The following TMUB1 variants were observed in gnomAD, a reference collection of about 807,000 sequenced individuals.
TMUB1 encodes the protein transmembrane and ubiquitin like domain containing 1.
TMUB1 carries 9 observed loss-of-function variants against 16.2 expected under a neutral mutation model. The ratio of observed to expected loss-of-function variants is 0.55; its 90% CI spans 0.33 to 0.97. The LOEUF is 0.97. TMUB1 is among the 50% of genes least tolerant of loss of function. The pLI is 0.03. For synonymous variants in TMUB1, 155 were observed against 152.2 expected (o/e 1.02, Z -0.13); for missense variants, 309 against 313.5 (o/e 0.99, Z 0.11).
Position 151,081,829 on chromosome 7 carries a change from T to C in TMUB1, c.461A>G (p.Gln154Arg). 1 of 1,542,592 alleles carries C rather than the reference T, an allele frequency of 6.5e-7. No homozygotes were observed. The highest frequency in any genetic ancestry group is 1.2e-5 in the South Asian group (1 of 80,938). Residue 154 changes from glutamine (Q) to arginine (R), a missense_variant, in exon 3 of 3, where the codon CAG becomes CGG. Transcript: ENST00000297533. This position sits in a 1 kb window ranked among gnomAD's most constrained non-coding sequence, Gnocchi z 7.6. ...YQGQLLGDDT[Q>R]TLGSLHLPPN... is the part of the protein sequence containing the mutation. ...AGGGAGGTGAAGGCTGCCCAGGGTC[T>C]GGGTGTCGTCGCCTAGCAGCTGCCC... is the stretch of plus-strand genomic sequence containing the variant.
rs1438641094 is a variant in TMUB1, at chr7:151,081,755, T to G, written c.535A>C (p.Asn179His). 6.3e-7 allele frequency: 1 copy of G among 1,592,816 alleles called. No homozygotes were observed. The highest frequency in any genetic ancestry group is 2.3e-5 in the East Asian group (1 of 44,168). Residue 179 changes from asparagine to histidine, a missense_variant, in exon 3 of 3, where the codon AAT (asparagine) becomes CAT (histidine). Physicochemically the swap from Asn to His is moderately conservative, Grantham distance 68. Coordinates refer to ENST00000297533, the MANE Select transcript of TMUB1 (RefSeq NM_001136044.2). The surrounding 1 kb of genome is among the most constrained non-coding windows in gnomAD (Gnocchi z 7.6). ...CHVSTRVGPP[N>H]PPCPPGSEPG... ...TCGGACCCCGGCGGGCAGGGGGGAT[T>G]TGGGGGACCGACTCTCGTGGACACG...
rs1230654588 is a variant in TMUB1, at chr7:151,081,226, C to T, written c.*323G>A. 2.4e-5 allele frequency: 5 copies of T among 212,244 alleles called. No homozygotes were observed. Among genetic ancestry groups the T allele is most frequent in the Non-Finnish European group, 4.6e-5 (5 of 109,006 alleles). 13.1% of individuals were successfully genotyped at this position (212,244 alleles called of 1,614,324 possible). On this transcript the variant is annotated 3_prime_UTR_variant, in exon 3 of 3. Transcript: ENST00000297533. The surrounding 1 kb of genome is among the most constrained non-coding windows in gnomAD (Gnocchi z 7.6). ...GTCAGGGATTGGAGGCGGCTGGGTC[C>T]TCCGGCAGAACACTAAGACGGGCCC...
Position 151,082,363 on chromosome 7 carries a change from TG to T in TMUB1, c.200del (p.Pro67GlnfsTer8). ...AATDSMRGEA[P>X]GAETPSLRHR... The stretch of plus-strand genomic sequence containing the variant: ...GTCTCAGGCTGGGGGTCTCTGCCCC[TG>T]GGGCCTCCCCTCTCATGCTGTCGGT... On this transcript the variant is annotated frameshift_variant, in exon 2 of 3. Coordinates refer to ENST00000297533, the MANE Select transcript of TMUB1 (RefSeq NM_001136044.2). LOFTEE classifies it high-confidence loss of function. The surrounding 1 kb of genome is among the most constrained non-coding windows in gnomAD (Gnocchi z 7.0). 1 of 1,596,420 alleles carries T rather than the reference TG, an allele frequency of 6.3e-7. No individual in the cohort carries two copies. Among genetic ancestry groups the T allele is most frequent in the Non-Finnish European group, 8.5e-7 (1 of 1,171,018 alleles).
chr7:151,081,284 C>T lies in TMUB1; in HGVS notation c.*265G>A. 5.5e-6 allele frequency: 2 copies of T among 366,738 alleles called. No individual in the cohort carries two copies. Among genetic ancestry groups the T allele is most frequent in the South Asian group, 1.2e-4 (1 of 8,458 alleles). The allele number at this position is 366,738 out of a possible 1,614,324, so 22.7% of individuals were successfully genotyped here. A position where few individuals can be genotyped will look rare whatever the true frequency, so the allele number is the denominator to read the frequency against. ...GGCCCGGCTCTGCCCGGGGCCGAGG[C>T]AGCGACAGCAGATGCCCGACCCCGA... is the stretch of plus-strand genomic sequence containing the variant. On this transcript the variant is annotated 3_prime_UTR_variant, in exon 3 of 3. Coordinates refer to ENST00000297533, the MANE Select transcript of TMUB1 (RefSeq NM_001136044.2). The surrounding 1 kb of genome is among the most constrained non-coding windows in gnomAD (Gnocchi z 7.6).
chr7:151,082,804 C>T lies in TMUB1; in HGVS notation c.-30-211G>A, dbSNP rs1798036382. 2.5e-6 allele frequency: 1 copy of T among 400,482 alleles called. No individual in the cohort carries two copies. Among genetic ancestry groups the T allele is most frequent in the Non-Finnish European group, 4.4e-6 (1 of 227,194 alleles). 24.8% of individuals were successfully genotyped at this position (400,482 alleles called of 1,614,324 possible). On this transcript the variant is annotated intron_variant, in intron 1 of 2. Coordinates refer to ENST00000297533, the MANE Select transcript of TMUB1 (RefSeq NM_001136044.2). This position sits in a 1 kb window ranked among gnomAD's most constrained non-coding sequence, Gnocchi z 7.0. ...CCCATCGCCGAATCCCAAGTCCTAA[C>T]TTTCTGTCATCTGAGCTCGAGGTCT...
chr7:151,082,091 G>C lies in TMUB1; in HGVS notation c.389+84C>G, dbSNP rs922543783. ...GCGCCTCCAGTATAAAGGAGGGCTG[G>C]GTCTTAGGTGTCTCTGGGGGCCTTC... On this transcript the variant is annotated intron_variant, in intron 2 of 2. Coordinates refer to ENST00000297533, the MANE Select transcript of TMUB1 (RefSeq NM_001136044.2). The surrounding 1 kb of genome is among the most constrained non-coding windows in gnomAD (Gnocchi z 7.0). The C allele has an allele frequency of 6.8e-7, 1 of 1,467,300 alleles. No homozygotes were observed. Among genetic ancestry groups the C allele is most frequent in the African/African-American group, 1.4e-5 (1 of 70,506 alleles). 90.9% of individuals were successfully genotyped at this position (1,467,300 alleles called of 1,614,324 possible).
chr7:151,082,313 T>C lies in TMUB1; in HGVS notation c.251A>G (p.Glu84Gly). ...TGTTGCTGTGAACCCCGTGCTGGGC[T>C]CTGGCTGTGCAGCTTGACCTCTGTG... ...LRHRGQAAQP[E>G]PSTGFTATPP... Residue 84 changes from glutamate to glycine, a missense_variant, in exon 2 of 3, where the codon GAG (glutamate) becomes GGG (glycine). By Grantham distance (98) the Glu-to-Gly change is moderately conservative. Coordinates refer to ENST00000297533, the MANE Select transcript of TMUB1 (RefSeq NM_001136044.2). The surrounding 1 kb of genome is among the most constrained non-coding windows in gnomAD (Gnocchi z 7.0). 1 of 1,600,838 alleles carries C rather than the reference T, an allele frequency of 6.2e-7. No homozygotes were observed. The highest frequency in any genetic ancestry group is 1.7e-5 in the Admixed American group (1 of 58,584).
rs990454899 is a variant in TMUB1 at position 151,083,241 on chromosome 7, G to A, written c.-31+193C>T. 1.3e-5 allele frequency: 2 copies of A among 152,042 alleles called. No individual in the cohort carries two copies. Among genetic ancestry groups the A allele is most frequent in the African/African-American group, 4.8e-5 (2 of 41,378 alleles). The allele number at this position is 152,042 out of a possible 1,614,324, so 9.4% of individuals were successfully genotyped here. On this transcript the variant is annotated intron_variant, in intron 1 of 2. Coordinates refer to ENST00000297533, the MANE Select transcript of TMUB1 (RefSeq NM_001136044.2). The surrounding 1 kb of genome is among the most constrained non-coding windows in gnomAD (Gnocchi z 5.9). ...GAGGACTAACTCCGCGCCTCCTCTG[G>A]AAGTCTCTCCAAGCCCCCCGGGCTG...
rs1401540330 is a variant in TMUB1 at position 151,082,300 on chromosome 7, C to A, written c.264G>T (p.Gly88=). Residue 88 remains glycine (G), a synonymous_variant, in exon 2 of 3, where the codon GGG becomes GGT. Transcript: ENST00000297533. The surrounding 1 kb of genome is among the most constrained non-coding windows in gnomAD (Gnocchi z 7.0). The part of the protein sequence containing the change: ...GQAAQPEPST[G]FTATPPAPDS... ...CCGGGGCTGGCGGTGTTGCTGTGAA[C>A]CCCGTGCTGGGCTCTGGCTGTGCAG... 18 of 1,598,236 alleles carry A rather than the reference C, an allele frequency of 1.1e-5. No individual in the cohort carries two copies. The highest frequency in any genetic ancestry group is 1.5e-5 in the Non-Finnish European group (17 of 1,171,252).
At position 151,082,402 on chromosome 7, in the gene TMUB1, T is replaced by C; in HGVS notation, c.162A>G (p.Ala54=). The change falls in exon 2 of 3, where the codon GCA becomes GCG. Residue 54 remains alanine (A), a synonymous_variant. Transcript: ENST00000297533. This position sits in a 1 kb window ranked among gnomAD's most constrained non-coding sequence, Gnocchi z 7.0. ...TCATGCTGTCGGTAGCTGCCATGGCTGCGCTGGGCTGGGATGGCGTTGGGG... is the reference window on the plus strand; with the variant it reads ...TCATGCTGTCGGTAGCTGCCATGGCCGCGCTGGGCTGGGATGGCGTTGGGG... The part of the protein sequence containing the change: ...SGTPTPSQPS[A]AMAATDSMRG... The C allele has an allele frequency of 6.2e-7, 1 of 1,605,934 alleles. No homozygotes were observed. The highest frequency in any genetic ancestry group is 8.5e-7 in the Non-Finnish European group (1 of 1,175,800).
At position 151,081,375 on chromosome 7, in the gene TMUB1, C is replaced by T. The variant is rs1231382314; in HGVS notation, c.*174G>A. ...GGAGGTGGCCCCGAGCCCCGGCGGTCGCAGGGCGGGGCCTCCGCCAGTCCC... is the reference window on the plus strand; with the variant it reads ...GGAGGTGGCCCCGAGCCCCGGCGGTTGCAGGGCGGGGCCTCCGCCAGTCCC... On this transcript the variant is annotated 3_prime_UTR_variant, in exon 3 of 3. Transcript: ENST00000297533. This position sits in a 1 kb window ranked among gnomAD's most constrained non-coding sequence, Gnocchi z 7.6. The T allele has an allele frequency of 6.0e-6, 7 of 1,171,844 alleles. No individual in the cohort carries two copies. The highest frequency in any genetic ancestry group is 1.6e-5 in the African/African-American group (1 of 62,034). The allele number at this position is 1,171,844 out of a possible 1,614,324, so 72.6% of individuals were successfully genotyped here. A position where few individuals can be genotyped will look rare whatever the true frequency, so the allele number is the denominator to read the frequency against.
Position 151,082,002 on chromosome 7 carries a change from C to G in TMUB1, c.390-102G>C. The G allele has an allele frequency of 7.2e-7, 1 of 1,395,318 alleles. No homozygotes were observed. Among genetic ancestry groups the G allele is most frequent in the Non-Finnish European group, 9.5e-7 (1 of 1,051,350 alleles). 86.4% of individuals were successfully genotyped at this position (1,395,318 alleles called of 1,614,324 possible). A position where few individuals can be genotyped will look rare whatever the true frequency, so the allele number is the denominator to read the frequency against. On this transcript the variant is annotated intron_variant, in intron 2 of 2. Transcript: ENST00000297533. The surrounding 1 kb of genome is among the most constrained non-coding windows in gnomAD (Gnocchi z 7.0). ...CCTCCCCCTGCCCTCCACAACACAC[C>G]GGCCCTGGCCTGGGAGGGGCCGTCT...
chr7:151,081,978 C>T lies in TMUB1; in HGVS notation c.390-78G>A. On this transcript the variant is annotated intron_variant, in intron 2 of 2. Transcript: ENST00000297533. The surrounding 1 kb of genome is among the most constrained non-coding windows in gnomAD (Gnocchi z 7.6). ...CTGGCCCCGGAACAGCACTCCCACC[C>T]TCCCCCTGCCCTCCACAACACACCG... is the stretch of plus-strand genomic sequence containing the variant. 4.2e-6 allele frequency: 6 copies of T among 1,420,306 alleles called. No individual in the cohort carries two copies. The highest frequency in any genetic ancestry group is 5.6e-6 in the Non-Finnish European group (6 of 1,071,362). The allele number at this position is 1,420,306 out of a possible 1,614,324, so 88.0% of individuals were successfully genotyped here.
At position 151,081,921 on chromosome 7, in the gene TMUB1, G is replaced by C. The variant is rs1188882312; in HGVS notation, c.390-21C>G. 1 of 1,465,688 alleles carries C rather than the reference G, an allele frequency of 6.8e-7. No individual in the cohort carries two copies. Among genetic ancestry groups the C allele is most frequent in the Non-Finnish European group, 9.0e-7 (1 of 1,111,336 alleles). 90.8% of individuals were successfully genotyped at this position (1,465,688 alleles called of 1,614,324 possible). On this transcript the variant is annotated intron_variant, in intron 2 of 2. Coordinates refer to ENST00000297533, the MANE Select transcript of TMUB1 (RefSeq NM_001136044.2). This position sits in a 1 kb window ranked among gnomAD's most constrained non-coding sequence, Gnocchi z 7.6. The stretch of plus-strand genomic sequence containing the variant: ...GGGTCCTGAGGAGAGAGGGACCTGG[G>C]TAAGAGAGCAGGCCTCAGGCAATCC...
Position 151,082,430 on chromosome 7 carries a change from C to T in TMUB1, c.134G>A (p.Gly45Glu), listed in dbSNP as rs754698950. 1 of 1,609,114 alleles carries T rather than the reference C, an allele frequency of 6.2e-7. No homozygotes were observed. Among genetic ancestry groups the T allele is most frequent in the East Asian group, 2.2e-5 (1 of 44,664 alleles). ...GCTGGGCTGGGATGGCGTTGGGGTC[C>T]CTGACGGCTGGGGCAGTGGGTCCCC... The part of the protein sequence containing the change: ...EGGDPLPQPS[G>E]TPTPSQPSAA... Residue 45 changes from glycine to glutamate, a missense_variant, in exon 2 of 3, where the codon GGG becomes GAG. Coordinates refer to ENST00000297533, the MANE Select transcript of TMUB1 (RefSeq NM_001136044.2). The surrounding 1 kb of genome is among the most constrained non-coding windows in gnomAD (Gnocchi z 7.0).
In TMUB1 at chr7:151,081,253, CG is replaced by C; in HGVS notation, c.*295del. 4.3e-6 allele frequency: 1 copy of C among 234,144 alleles called. No homozygotes were observed. Among genetic ancestry groups the C allele is most frequent in the Non-Finnish European group, 7.9e-6 (1 of 127,244 alleles). The allele number at this position is 234,144 out of a possible 1,614,324, so 14.5% of individuals were successfully genotyped here. A position where few individuals can be genotyped will look rare whatever the true frequency, so the allele number is the denominator to read the frequency against. ...CCGGCAGAACACTAAGACGGGCCCC[CG>C]GGGCGGCCCGGCTCTGCCCGGGGCC... is the stretch of plus-strand genomic sequence containing the variant. On this transcript the variant is annotated 3_prime_UTR_variant, in exon 3 of 3. Transcript: ENST00000297533. The surrounding 1 kb of genome is among the most constrained non-coding windows in gnomAD (Gnocchi z 7.6).
Position 151,081,687 on chromosome 7 carries a change from G to A in TMUB1, c.603C>T (p.Pro201=). 6.3e-7 allele frequency: 1 copy of A among 1,586,680 alleles called. No individual in the cohort carries two copies. The stretch of plus-strand genomic sequence containing the variant: ...GCAGCAGCAACAGCAGGAGCAGCAG[G>A]GGCAGCAGCAGGCTGCCGATTTCCA... The part of the protein sequence containing the change: ...SGLEIGSLLL[P]LLLLLLLLLW... Residue 201 remains proline (P), a synonymous_variant, in exon 3 of 3, where the codon CCC becomes CCT. Transcript: ENST00000297533. The surrounding 1 kb of genome is among the most constrained non-coding windows in gnomAD (Gnocchi z 7.6).
rs1797970087 is a variant in TMUB1 at position 151,081,098 on chromosome 7, G to T, written c.*451C>A. 7.2e-6 allele frequency: 2 copies of T among 277,250 alleles called. No individual in the cohort carries two copies. The highest frequency in any genetic ancestry group is 1.3e-5 in the Non-Finnish European group (2 of 148,540). The allele number at this position is 277,250 out of a possible 1,614,324, so 17.2% of individuals were successfully genotyped here. A position where few individuals can be genotyped will look rare whatever the true frequency, so the allele number is the denominator to read the frequency against. On this transcript the variant is annotated 3_prime_UTR_variant, in exon 3 of 3. Transcript: ENST00000297533. The surrounding 1 kb of genome is among the most constrained non-coding windows in gnomAD (Gnocchi z 7.6). ...ACACTGCAAGAGTGAAAACTTCACA[G>T]TTACTTTAATCTGCACGGGTTCCGG... is the stretch of plus-strand genomic sequence containing the variant.
chr7:151,081,768 T>G lies in TMUB1; in HGVS notation c.522A>C (p.Arg174Ser), dbSNP rs113100233. ...GGCAGGGGGGATTTGGGGGACCGAC[T>G]CTCGTGGACACGTGGCAGTGGAGAA... The part of the protein sequence containing the change: ...NCVLHCHVST[R>S]VGPPNPPCPP... The change falls in exon 3 of 3, where the codon AGA becomes AGC. Residue 174 changes from arginine to serine, a missense_variant. Arg to Ser is a moderately radical substitution (Grantham distance 110). Transcript: ENST00000297533. This position sits in a 1 kb window ranked among gnomAD's most constrained non-coding sequence, Gnocchi z 7.6. The G allele has an allele frequency of 2.1e-3, 3,365 of 1,594,346 alleles. 9 individuals carry two copies. The highest frequency in any genetic ancestry group is 2.6e-3 in the Non-Finnish European group (3,076 of 1,171,822).
Sources: gnomAD v4.1 joint callset for allele counts on GRCh38, gnomAD v4.1.1 for gene constraint, Gnocchi (gnomAD v3.1) non-coding constraint, MANE v1.5 for transcripts, NCBI Gene and HGNC (gene_info 2026-07-23, HGNC 2026-07-21) for gene names.